The following SLC25A28 variants were observed in gnomAD, a reference collection of about 807,000 sequenced individuals.
SLC25A28 encodes the protein mitoferrin-2.
Under a neutral mutation model 31.9 loss-of-function variants are expected in SLC25A28, and 10 were observed. The ratio of observed to expected loss-of-function variants is 0.31; its 90% CI spans 0.19 to 0.53. SLC25A28 has a LOEUF of 0.53. Ranked by LOEUF, SLC25A28 falls within the 20% of genes least tolerant of loss-of-function variation. The pLI is 0.95. For synonymous variants in SLC25A28, 208 were observed against 203.6 expected, an observed-to-expected ratio of 1.02 and a Z score of -0.19; for missense variants, 256 against 490.3, an observed-to-expected ratio of 0.52 and a Z score of 4.51.
At chr10:99,616,268 C>T in intron 1 of SLC25A28, 1 of 921,876 alleles carries the variant, frequency 1.1e-6, no homozygotes, top group Middle Eastern at 5.5e-4. Context: ...CTCAGCTTTG[C>T]TAGTTGTGTG....
At chr10:99,615,618 A>C in intron 1 of SLC25A28, 1 of 985,364 alleles carries the variant, frequency 1.0e-6, no homozygotes, top group Non-Finnish European at 1.2e-6. Flanking sequence ...ATTCTTTCCT[A>C]CTTCCCCCCA....
At chr10:99,615,603 GAC>G in intron 1 of SLC25A28, 1 of 985,312 alleles carries the variant, frequency 1.0e-6, no homozygotes, top group South Asian at 4.7e-5. Context: ...ATCACAATTT[GAC>G]ACATTCTTTC....
the SLC25A28 span, among the ~76,000 whole-genome samples, chr10:99,644,467 T>C: frequency 1.3e-5 from 2 of 152,172 alleles, no homozygotes; most frequent in East Asian, 3.8e-4. Flanking sequence ...TCTCTGCCCG[T>C]GAGATGGGTT....
chr10:99,658,469 C>T, the SLC25A28 span, among the ~76,000 whole-genome samples: 1 of 152,002 alleles, frequency 6.6e-6, no homozygotes, highest in African/African-American at 2.4e-5. Flanking sequence ...CAGACATATA[C>T]GTATAATAGT....
At chr10:99,654,429 G>T in the SLC25A28 span, among the ~76,000 whole-genome samples, 7 of 152,074 alleles carry the variant, frequency 4.6e-5, no homozygotes, top group African/African-American at 1.7e-4. Flanking sequence ...GGTTACAGCA[G>T]CTCCAAGCAT....
In SLC25A28 at chr10:99,613,617, C is replaced by G. The variant is rs1304216133; in HGVS notation, c.520+79G>C. 6.2e-7 allele frequency: 1 copy of G among 1,602,460 alleles called. No individual in the cohort carries two copies. The highest frequency in any genetic ancestry group is 1.1e-5 in the South Asian group (1 of 89,444). ...CCCAAAGCTTCAGCTCCAAACCATG[C>G]TGAGACTGGAAAGCACTGACAGCAG... is the stretch of plus-strand genomic sequence containing the variant. On this transcript the variant is annotated intron_variant, in intron 2 of 3. Transcript: ENST00000370495. This position sits in a 1 kb window ranked among gnomAD's most constrained non-coding sequence, Gnocchi z 4.9.
chr10:99,639,058 G>A, the SLC25A28 span, among the ~76,000 whole-genome samples: 1 of 151,784 alleles, frequency 6.6e-6, no homozygotes. Flanking sequence ...CAATCAATGA[G>A]TGGATAAAGA....
chr10:99,658,874 G>A, the SLC25A28 span, among the ~76,000 whole-genome samples: 3 of 152,140 alleles, frequency 2.0e-5, no homozygotes, highest in Non-Finnish European at 4.4e-5. Flanking sequence ...CAAGGAGGGC[G>A]GCGACACAGA....
At chr10:99,648,433 AG>A in the SLC25A28 span, among the ~76,000 whole-genome samples, 2 of 152,012 alleles carry the variant, frequency 1.3e-5, no homozygotes, top group Admixed American at 1.3e-4. Flanking sequence ...CTGGCTATTC[AG>A]GCCCTTTTTT....
chr10:99,611,004 T>C lies in SLC25A28; in HGVS notation c.940A>G (p.Thr314Ala). The change falls in exon 4 of 4, where the codon ACG becomes GCG. Residue 314 changes from threonine to alanine, a missense_variant. By Grantham distance (58) the Thr-to-Ala change is moderately conservative. Transcript: ENST00000370495. This position sits in a 1 kb window ranked among gnomAD's most constrained non-coding sequence, Gnocchi z 5.5. ...HITGMASAFR[T>A]VYQVGGVTAY... is the part of the protein sequence containing the mutation. ...GTCACCCCACCTACTTGATATACCG[T>C]CCTGAAGGCACTAGCCATGCCTGTG... 6.2e-7 allele frequency: 1 copy of C among 1,614,172 alleles called. No individual in the cohort carries two copies. The highest frequency in any genetic ancestry group is 8.5e-7 in the Non-Finnish European group (1 of 1,180,022).
At chr10:99,633,071 A>G in the SLC25A28 span, among the ~76,000 whole-genome samples, 4 of 152,210 alleles carry the variant, frequency 2.6e-5, 1 homozygote, top group African/African-American at 9.7e-5. Context: ...TACTTTATAC[A>G]TATGGGATGC....
the SLC25A28 span, among the ~76,000 whole-genome samples, chr10:99,625,892 C>A: frequency 6.6e-6 from 1 of 152,224 alleles, no homozygotes; most frequent in Non-Finnish European, 1.5e-5. Flanking sequence ...TTAGAAGAAA[C>A]CTGTGTCCTT....
At chr10:99,626,270 C>A in the SLC25A28 span, among the ~76,000 whole-genome samples, 253 of 152,280 alleles carry the variant, frequency 1.7e-3, 1 homozygote, top group African/African-American at 5.4e-3. Flanking sequence ...AGAAACAGAA[C>A]ATAAGAGCTA....
the SLC25A28 span, among the ~76,000 whole-genome samples, chr10:99,639,583 A>G: frequency 6.6e-6 from 1 of 152,044 alleles, no homozygotes; most frequent in Non-Finnish European, 1.5e-5. Flanking sequence ...ACCAAGCTTG[A>G]TCCACTAGGT....
chr10:99,641,609 T>A, the SLC25A28 span, among the ~76,000 whole-genome samples: 1 of 152,226 alleles, frequency 6.6e-6, no homozygotes, highest in African/African-American at 2.4e-5. Flanking sequence ...TTGTTGCCAT[T>A]ACTTTTGGTG....
chr10:99,643,967 A>G, the SLC25A28 span, among the ~76,000 whole-genome samples: 1 of 152,210 alleles, frequency 6.6e-6, no homozygotes, highest in Non-Finnish European at 1.5e-5. Context: ...ACATTTGCCA[A>G]GGAGTGCTTT....
intron 1 of SLC25A28, among the ~76,000 whole-genome samples, chr10:99,614,844 C>A (rs2034610249): frequency 6.6e-6 from 1 of 152,106 alleles, no homozygotes; most frequent in Non-Finnish European, 1.5e-5. Flanking sequence ...AACATGGAAA[C>A]TAATAGTTAA....
At chr10:99,622,551 G>A, upstream of SLC25A28, 1 of 648,626 alleles carries the variant, frequency 1.5e-6, no homozygotes, top group South Asian at 6.9e-5. Flanking sequence ...TTATTCATTG[G>A]TCATAAATGA....
chr10:99,626,937 T>A, the SLC25A28 span, among the ~76,000 whole-genome samples: 8 of 152,208 alleles, frequency 5.3e-5, no homozygotes, highest in Non-Finnish European at 1.2e-4. Flanking sequence ...GCCCTTTGTA[T>A]TTTTTTAAAA....
Sources: gnomAD v4.1 joint callset for allele counts (sites outside exome capture counted in the v4.1 genomes callset) on GRCh38, gnomAD v4.1.1 for gene constraint, Gnocchi (gnomAD v3.1) non-coding constraint, MANE v1.5 for transcripts, NCBI Gene and HGNC (gene_info 2026-07-23, HGNC 2026-07-21) for gene names.